Variants in ATG7 observed in about 807,000 individuals in gnomAD.
The protein encoded by ATG7 is autophagy related 7.
ATG7 carries 70 observed loss-of-function variants against 82.4 expected under a neutral mutation model. The observed-to-expected ratio is 0.85, with a 90% CI of 0.70 to 1.04. The LOEUF (loss-of-function observed/expected upper bound fraction) is 1.04. Ranked by LOEUF, ATG7 falls within the 50% of genes least tolerant of loss-of-function variation. ATG7 has a pLI of 0.00. For synonymous variants in ATG7, 287 were observed against 313.0 expected, an observed-to-expected ratio of 0.92 and a Z score of 0.88; for missense variants, 792 against 864.3, an observed-to-expected ratio of 0.92 and a Z score of 1.05.
rs771433120 is a variant in ATG7 at position 11,556,640 on chromosome 3, AT to A, written c.*1798del. The A allele has an allele frequency of 2.0e-5, 3 of 152,642 alleles. No individual in the cohort carries two copies. Among genetic ancestry groups the A allele is most frequent in the Admixed American group, 1.3e-4 (2 of 15,284 alleles). The allele number at this position is 152,642 out of a possible 1,614,324, so 9.5% of individuals were successfully genotyped here. On this transcript the variant is annotated 3_prime_UTR_variant, in exon 21 of 21. Coordinates refer to ENST00000693202, the MANE Select transcript of ATG7 (RefSeq NM_001349232.2). ...TTTTTTTTTCCGAACAACAAAAAAA[AT>A]GAATGATTACAATAGGAAAGGGAAA...
intron 9 of ATG7, among the ~76,000 whole-genome samples, chr3:11,324,550 A>G (rs1383635101): frequency 6.6e-6 from 1 of 152,102 alleles, no homozygotes; most frequent in South Asian, 2.1e-4. Context: ...TAAGTGGTAG[A>G]TTTTCCTCCT....
intron 19 of ATG7, among the ~76,000 whole-genome samples, chr3:11,383,699 C>T (rs2078095408): frequency 1.3e-5 from 2 of 152,196 alleles, no homozygotes; most frequent in Non-Finnish European, 2.9e-5. Context: ...CCGCCCGCCT[C>T]AGCCTCCCAA....
intron 20 of ATG7, among the ~76,000 whole-genome samples, chr3:11,513,388 G>A (rs529070545): frequency 3.9e-5 from 6 of 152,330 alleles, no homozygotes; most frequent in South Asian, 2.1e-4. Context: ...GCCCTGCCCC[G>A]CGGGGAGGCA....
chr3:11,515,526 A>T (rs1256796823), intron 20 of ATG7, among the ~76,000 whole-genome samples: 1 of 151,076 alleles, frequency 6.6e-6, no homozygotes, highest in Non-Finnish European at 1.5e-5. Context: ...CTGGTCTTGA[A>T]CTCCTGATTA....
intron 1 of ATG7, among the ~76,000 whole-genome samples, chr3:11,276,645 G>A (rs781652092): frequency 6.6e-6 from 1 of 152,016 alleles, no homozygotes; most frequent in Non-Finnish European, 1.5e-5. Flanking sequence ...TATCTTTCTT[G>A]GCACATCTGA....
intron 20 of ATG7, among the ~76,000 whole-genome samples, chr3:11,535,909 A>C (rs931765202): frequency 6.6e-6 from 1 of 152,190 alleles, no homozygotes; most frequent in African/African-American, 2.4e-5. Flanking sequence ...CCCAAAGCTT[A>C]TGCTCCTTAG....
At chr3:11,378,863 C>CG (rs1014374971) in intron 18 of ATG7, among the ~76,000 whole-genome samples, 1 of 150,680 alleles carries the variant, frequency 6.6e-6, no homozygotes, top group African/African-American at 2.4e-5. Flanking sequence ...GTTTGTTTTT[C>CG]GGGGGGTGGG....
At chr3:11,452,015 T>TG (rs968692370) in intron 20 of ATG7, among the ~76,000 whole-genome samples, 5 of 71,530 alleles carry the variant, frequency 7.0e-5, no homozygotes, top group Non-Finnish European at 9.4e-5. Flanking sequence ...ACCAGGGACT[T>TG]GGGGGGTTGG....
intron 20 of ATG7, among the ~76,000 whole-genome samples, chr3:11,482,941 C>A (rs887336082): frequency 2.6e-5 from 4 of 152,026 alleles, no homozygotes; most frequent in Middle Eastern, 6.8e-3. Context: ...AGAAGCCCCC[C>A]CTTGAGCCCC....
At chr3:11,405,866 G>T (rs535759985) in intron 19 of ATG7, among the ~76,000 whole-genome samples, 1 of 151,944 alleles carries the variant, frequency 6.6e-6, no homozygotes, top group African/African-American at 2.4e-5. Context: ...GACATCCACC[G>T]CCTTGGCCTC....
At chr3:11,318,233 A>T (rs1321284121) in intron 9 of ATG7, among the ~76,000 whole-genome samples, 1 of 152,176 alleles carries the variant, frequency 6.6e-6, no homozygotes, top group African/African-American at 2.4e-5. Flanking sequence ...GTGGTATCTC[A>T]GGAAAGCCTG....
chr3:11,558,559 G>A (rs959885640), downstream of ATG7: 2 of 1,598,150 alleles, frequency 1.3e-6, no homozygotes, highest in African/African-American at 2.7e-5. Flanking sequence ...GCTCCCTTCA[G>A]GAGACCACAG....
intron 18 of ATG7, among the ~76,000 whole-genome samples, chr3:11,375,299 AACTT>A (rs1166832447): frequency 2.0e-5 from 3 of 152,192 alleles, no homozygotes; most frequent in Non-Finnish European, 4.4e-5. Context: ...ATATGTAACA[AACTT>A]ACAATACAGC....
intron 1 of ATG7, among the ~76,000 whole-genome samples, chr3:11,274,357 G>A (rs1294979224): frequency 6.6e-6 from 1 of 152,096 alleles, no homozygotes; most frequent in Admixed American, 6.6e-5. Context: ...AAGCTATTGC[G>A]GAGGTTTGGT....
At chr3:11,514,679 A>AT (rs2092207634) in intron 20 of ATG7, among the ~76,000 whole-genome samples, 1 of 152,210 alleles carries the variant, frequency 6.6e-6, no homozygotes, top group Non-Finnish European at 1.5e-5. Context: ...CAGTGGCCTG[A>AT]TATGCATAGC....
At chr3:11,482,445 C>G (rs988144156) in intron 20 of ATG7, among the ~76,000 whole-genome samples, 4 of 152,200 alleles carry the variant, frequency 2.6e-5, no homozygotes, top group Non-Finnish European at 5.9e-5. Context: ...ACTACCGTAT[C>G]TTTTTGGTGG....
chr3:11,396,782 CAAAA>C lies in ATG7; in HGVS notation c.1956+16742_1956+16745del, dbSNP rs776333119. ...GGGCTACAGAGCAAGACTCTGTCTC[CAAAA>C]AAAAAAAAAAAGAAAAGAAAAGAAA... On this transcript the variant is annotated intron_variant, in intron 19 of 20. Transcript: ENST00000693202. 8.5e-3 allele frequency among the ~76,000 whole-genome samples: 800 copies of C among 94,262 alleles called. 4 individuals are homozygous for C. The highest frequency in any genetic ancestry group is 0.026 in the African/African-American group (748 of 28,572). The allele number at this position is 94,262 out of a possible 152,430, so 61.8% of individuals were successfully genotyped here. A position where few individuals can be genotyped will look rare whatever the true frequency, so the allele number is the denominator to read the frequency against.
intron 1 of ATG7, among the ~76,000 whole-genome samples, chr3:11,277,901 C>G (rs1050000410): frequency 7.3e-6 from 1 of 136,590 alleles, no homozygotes; most frequent in Non-Finnish European, 1.6e-5. Context: ...ACCCCCCCCC[C>G]CCCACCAGGA....
intron 20 of ATG7, among the ~76,000 whole-genome samples, chr3:11,485,510 T>C (rs1242101282): frequency 6.6e-6 from 1 of 152,222 alleles, no homozygotes; most frequent in Non-Finnish European, 1.5e-5. Context: ...ACTCTGATGG[T>C]AGTTTCTTTT....
Sources: gnomAD v4.1 joint callset for allele counts (sites outside exome capture counted in the v4.1 genomes callset) on GRCh38, gnomAD v4.1.1 for gene constraint, MANE v1.5 for transcripts, NCBI Gene and HGNC (gene_info 2026-07-23, HGNC 2026-07-21) for gene names.